The following LPAR1 variants were observed in gnomAD, a reference collection of about 807,000 sequenced individuals.
LPAR1 encodes lysophosphatidic acid receptor 1, also known as LPA receptor 1.
A neutral mutation model predicts 23.8 loss-of-function variants in LPAR1; 5 were observed. That is an observed-to-expected ratio of 0.21 (90% confidence interval 0.11 to 0.44). LPAR1 has a LOEUF of 0.44. Ranked by LOEUF, LPAR1 falls within the 20% of genes least tolerant of loss-of-function variation. The pLI is 0.99. For missense variants in LPAR1, 311 were observed against 482.8 expected (o/e 0.64, Z 3.33); for synonymous variants, 160 against 164.7 (o/e 0.97, Z 0.22).
chr9:111,026,220 T>C (rs776327459), intron 2 of LPAR1, among the ~76,000 whole-genome samples: 2 of 152,226 alleles, frequency 1.3e-5, no homozygotes, highest in Non-Finnish European at 2.9e-5. Flanking sequence ...TGGTTTGTAG[T>C]TCTCCTTGAA....
chr9:111,038,340 T>G lies in LPAR1; in HGVS notation c.-435A>C, dbSNP rs1366916681. The stretch of plus-strand genomic sequence containing the variant: ...CTGCGCCCACCCCGCCGGGGTCCCG[T>G]GCTCGGCCGGGCGGCGGGGAGGGCT... On this transcript the variant is annotated 5_prime_UTR_variant, in exon 1 of 6. Transcript: ENST00000683809. The surrounding 1 kb of genome is among the most constrained non-coding windows in gnomAD (Gnocchi z 4.4). The G allele has an allele frequency of 6.6e-6, 1 of 152,170 alleles. No homozygotes were observed. Among genetic ancestry groups the G allele is most frequent in the East Asian group, 2.0e-4 (1 of 5,046 alleles). 9.4% of individuals were successfully genotyped at this position (152,170 alleles called of 1,614,324 possible).
chr9:110,878,286 T>C (rs1468095494), intron 5 of LPAR1, among the ~76,000 whole-genome samples: 3 of 152,026 alleles, frequency 2.0e-5, no homozygotes, highest in Admixed American at 2.0e-4. Context: ...CTCCCCCTCC[T>C]TTCTATTTCA....
intron 2 of LPAR1, among the ~76,000 whole-genome samples, chr9:111,023,885 A>G (rs2097621047): frequency 6.6e-6 from 1 of 152,242 alleles, no homozygotes; most frequent in African/African-American, 2.4e-5. Flanking sequence ...ATGGACAAAC[A>G]TTTCTAACTA....
At chr9:110,998,783 G>A (rs745991215) in intron 2 of LPAR1, among the ~76,000 whole-genome samples, 1 of 152,078 alleles carries the variant, frequency 6.6e-6, no homozygotes, top group African/African-American at 2.4e-5. Context: ...ATAGGTCTGA[G>A]GATTCTTAAA....
chr9:110,985,596 T>C (rs1201093715), intron 2 of LPAR1, among the ~76,000 whole-genome samples: 1 of 152,082 alleles, frequency 6.6e-6, no homozygotes, highest in Non-Finnish European at 1.5e-5. Context: ...CTGGAGAAAC[T>C]GGCCAAAACT....
At chr9:110,910,091 A>C (rs891046657) in intron 5 of LPAR1, among the ~76,000 whole-genome samples, 2 of 152,132 alleles carry the variant, frequency 1.3e-5, no homozygotes, top group Non-Finnish European at 2.9e-5. Flanking sequence ...AACATAACTG[A>C]CCAATAAGTG....
intron 5 of LPAR1, among the ~76,000 whole-genome samples, chr9:110,937,514 G>A (rs1169594024): frequency 6.6e-6 from 1 of 151,984 alleles, no homozygotes; most frequent in Non-Finnish European, 1.5e-5. Context: ...TGGAAAATAA[G>A]GATAACAAAT....
In LPAR1 at chr9:110,916,144, T is replaced by C. The variant is rs537621726; in HGVS notation, c.793+25277A>G. 2.5e-4 allele frequency among the ~76,000 whole-genome samples: 38 copies of C among 152,324 alleles called. No individual in the cohort carries two copies. The South Asian group carries it at 7.3e-3, about 29-fold the overall frequency. ...GCAATAGCCAGTATCTACTGAGGTC[T>C]GTCATATAATTGGCACTGTGCTAAT... On this transcript the variant is annotated intron_variant, in intron 5 of 5. Transcript: ENST00000683809.
intron 2 of LPAR1, among the ~76,000 whole-genome samples, chr9:111,007,295 C>T (rs1378769387): frequency 6.6e-6 from 1 of 152,130 alleles, no homozygotes; most frequent in African/African-American, 2.4e-5. Flanking sequence ...GCCTAATGCA[C>T]TACCTAAACA....
chr9:111,000,294 A>G (rs1243000891), intron 2 of LPAR1, among the ~76,000 whole-genome samples: 2 of 152,152 alleles, frequency 1.3e-5, no homozygotes, highest in Non-Finnish European at 2.9e-5. Context: ...TTCTAAAAAG[A>G]GCTGGGTACA....
chr9:110,983,405 CA>C (rs540454266), intron 2 of LPAR1, among the ~76,000 whole-genome samples: 153 of 151,994 alleles, frequency 1.0e-3, no homozygotes, highest in African/African-American at 3.2e-3. Flanking sequence ...ATAAGCCAGT[CA>C]AAAAAGGACA....
intron 2 of LPAR1, among the ~76,000 whole-genome samples, chr9:110,977,839 G>T (rs1478923165): frequency 1.7e-5 from 2 of 118,982 alleles, no homozygotes; most frequent in Non-Finnish European, 3.5e-5. Context: ...AGGGAGGGAA[G>T]GAAGGAGGGA....
At chr9:111,011,386 C>T (rs1238649398) in intron 2 of LPAR1, among the ~76,000 whole-genome samples, 2 of 152,130 alleles carry the variant, frequency 1.3e-5, no homozygotes, top group African/African-American at 4.8e-5. Context: ...GGGAAGCTCA[C>T]TACCTTCCAA....
chr9:110,900,325 C>T (rs1464184745), intron 5 of LPAR1, among the ~76,000 whole-genome samples: 2 of 152,202 alleles, frequency 1.3e-5, no homozygotes, highest in Non-Finnish European at 2.9e-5. Context: ...CTCCCTATCT[C>T]AAGGCCTTTA....
Position 111,000,270 on chromosome 9 carries a change from G to A in LPAR1, c.-181-26712C>T, listed in dbSNP as rs139624199. Among the ~76,000 whole-genome samples, 321 of 152,286 alleles carry A rather than the reference G, an allele frequency of 2.1e-3. 3 individuals are homozygous for A. The highest frequency in any genetic ancestry group is 7.4e-3 in the African/African-American group (307 of 41,556). ...GGTTCATGGCCTCCTGAATATGGGA[G>A]AACAGTAGTCCAGTTCTAAAAAGAG... On this transcript the variant is annotated intron_variant, in intron 2 of 5. Transcript: ENST00000683809.
intron 2 of LPAR1, among the ~76,000 whole-genome samples, chr9:111,034,910 T>C (rs535576731): frequency 2.6e-5 from 4 of 152,322 alleles, no homozygotes; most frequent in South Asian, 2.1e-4. Flanking sequence ...CCACCATTCA[T>C]CTTTTAAAAG....
chr9:110,954,319 T>C (rs1384135788), intron 4 of LPAR1, among the ~76,000 whole-genome samples: 1 of 152,158 alleles, frequency 6.6e-6, no homozygotes, highest in Non-Finnish European at 1.5e-5. Flanking sequence ...TGTGACATAT[T>C]GGACACAATA....
At chr9:110,880,217 A>G (rs916107266) in intron 5 of LPAR1, among the ~76,000 whole-genome samples, 2 of 152,160 alleles carry the variant, frequency 1.3e-5, no homozygotes, top group African/African-American at 4.8e-5. Flanking sequence ...CATCTGTCAA[A>G]GCAATCTGTG....
chr9:110,963,433 T>C (rs1242213540), intron 4 of LPAR1, among the ~76,000 whole-genome samples: 1 of 152,214 alleles, frequency 6.6e-6, no homozygotes, highest in Non-Finnish European at 1.5e-5. Flanking sequence ...CGTTGGAGTT[T>C]TCCATAGAGT....
Sources: allele counts gnomAD v4.1 joint callset (sites outside exome capture counted in the v4.1 genomes callset), GRCh38; gene constraint gnomAD v4.1.1; non-coding constraint Gnocchi (gnomAD v3.1); transcripts MANE v1.5; gene names NCBI Gene and HGNC (gene_info 2026-07-23, HGNC 2026-07-21).